Variants in EPAS1 observed in about 807,000 individuals in gnomAD.
EPAS1 encodes endothelial PAS domain protein 1.
EPAS1 carries 23 observed loss-of-function variants against 87.9 expected under a neutral mutation model. The ratio of observed to expected loss-of-function variants is 0.26; its 90% CI spans 0.19 to 0.37. The LOEUF is 0.37. Among genes scored for constraint, EPAS1 ranks in the 10% least tolerant of loss-of-function variants. The probability of loss-of-function intolerance (pLI) is 1.00; values close to 1 mark genes in which losing one functional copy is unlikely to be tolerated. For synonymous variants in EPAS1, 508 were observed against 444.3 expected (o/e 1.14, Z -1.80); for missense variants, 1,138 against 1,120.7 (o/e 1.02, Z -0.22).
Position 46,381,658 on chromosome 2 carries a change from C to T in EPAS1, c.2108C>T (p.Ser703Phe). 6.2e-7 allele frequency: 1 copy of T among 1,614,022 alleles called. No homozygotes were observed. The highest frequency in any genetic ancestry group is 8.5e-7 in the Non-Finnish European group (1 of 1,180,028). ...CTGAGTCCGGCCATGGTAGCCCTCT[C>T]CAACAAGCTGAAGCTGAAGCGACAG... ...DVLSPAMVAL[S>F]NKLKLKRQLE... Residue 703 changes from serine (S) to phenylalanine (F), a missense_variant, in exon 13 of 16, where the codon TCC (serine) becomes TTC (phenylalanine). Transcript: ENST00000263734.
At chr2:46,359,097 A>C (rs1417910802) in intron 4 of EPAS1, among the ~76,000 whole-genome samples, 1 of 151,844 alleles carries the variant, frequency 6.6e-6, no homozygotes, top group Non-Finnish European at 1.5e-5. Context: ...CATCTCTACC[A>C]AAAATACAAA....
At position 46,347,656 on chromosome 2, in the gene EPAS1, G is replaced by T. The variant is rs1684060836; in HGVS notation, c.217+593G>T. On this transcript the variant is annotated intron_variant, in intron 2 of 15. Transcript: ENST00000263734. This position sits in a 1 kb window ranked among gnomAD's most constrained non-coding sequence, Gnocchi z 4.2. Reference sequence around the variant, plus strand: ...GCCTGGCTGAGCTCACTCACACTGGGGAGTCCTTGACATCACCCCTCCCTC... The same window carrying T: ...GCCTGGCTGAGCTCACTCACACTGGTGAGTCCTTGACATCACCCCTCCCTC... The T allele has an allele frequency of 6.1e-6, 1 of 163,208 alleles. No individual in the cohort carries two copies. The highest frequency in any genetic ancestry group is 1.4e-5 in the Non-Finnish European group (1 of 73,768). 10.1% of individuals were successfully genotyped at this position (163,208 alleles called of 1,614,324 possible). A position where few individuals can be genotyped will look rare whatever the true frequency, so the allele number is the denominator to read the frequency against.
At chr2:46,316,524 G>T (rs1403141803) in intron 1 of EPAS1, among the ~76,000 whole-genome samples, 1 of 152,226 alleles carries the variant, frequency 6.6e-6, no homozygotes, top group Non-Finnish European at 1.5e-5. Context: ...GCCTCCCAAA[G>T]TGTTGGGATT....
At chr2:46,325,732 T>C (rs1363790891) in intron 1 of EPAS1, among the ~76,000 whole-genome samples, 1 of 152,214 alleles carries the variant, frequency 6.6e-6, no homozygotes, top group Non-Finnish European at 1.5e-5. Flanking sequence ...GGGTGTTTTA[T>C]ATTCATCCAT....
intron 3 of EPAS1, among the ~76,000 whole-genome samples, 166 bp downstream of exon 3, chr2:46,356,468 G>A (rs551708961): frequency 6.6e-6 from 1 of 152,272 alleles, no homozygotes; most frequent in East Asian, 1.9e-4. Flanking sequence ...CCACCCCCAA[G>A]CATTGGGTTT....
chr2:46,313,102 G>C lies in EPAS1; in HGVS notation c.26+15165G>C, dbSNP rs937001249. The stretch of plus-strand genomic sequence containing the variant: ...AGACAGCTACTAGCAGAGAAACAGA[G>C]CGAATGTTGACACCTAAAAGATACC... On this transcript the variant is annotated intron_variant, in intron 1 of 15. Coordinates refer to ENST00000263734, the MANE Select transcript of EPAS1 (RefSeq NM_001430.5). Among the ~76,000 whole-genome samples the C allele has an allele frequency of 3.3e-5, 5 of 152,208 alleles. 1 individual carries two copies. The highest frequency in any genetic ancestry group is 3.3e-4 in the Admixed American group (5 of 15,288).
At chr2:46,384,448 T>C (rs1189576238) in intron 15 of EPAS1, 61 bp from the exon 16 acceptor site, 2 of 1,610,764 alleles carry the variant, frequency 1.2e-6, no homozygotes, top group African/African-American at 1.3e-5. Flanking sequence ...CACAAAGAAG[T>C]AGACACTTTT....
intron 1 of EPAS1, among the ~76,000 whole-genome samples, chr2:46,320,669 G>C (rs1222134660): frequency 6.6e-6 from 1 of 152,190 alleles, no homozygotes; most frequent in Non-Finnish European, 1.5e-5. Context: ...GAGTGTGGCA[G>C]ATGAAAGTAA....
Position 46,378,062 on chromosome 2 carries a change from CCAGCAG to C in EPAS1, c.1429_1434del (p.Ser477_Ser478del), listed in dbSNP as rs747939755. 24 of 1,605,940 alleles carry C rather than the reference CCAGCAG, an allele frequency of 1.5e-5. No homozygotes were observed. The African/African-American group carries it at 3.1e-4, about 21-fold the overall frequency. On this transcript the variant is annotated inframe_deletion, in exon 10 of 16. Coordinates refer to ENST00000263734, the MANE Select transcript of EPAS1 (RefSeq NM_001430.5). The stretch of plus-strand genomic sequence containing the variant: ...CCGGGCAGCACCACCCCCAGTGCCA[CCAGCAG>C]CAGCAGCAGCTGCTCCACGGTGAGC...
intron 1 of EPAS1, among the ~76,000 whole-genome samples, chr2:46,301,885 G>C (rs1386140549): frequency 6.7e-6 from 1 of 150,256 alleles, no homozygotes; most frequent in Non-Finnish European, 1.5e-5. Flanking sequence ...TGTAAACTTT[G>C]AGAAGTATGA....
intron 12 of EPAS1, 25 bp from the exon 13 acceptor site, chr2:46,381,571 T>C (rs1371570753): frequency 2.8e-5 from 45 of 1,613,804 alleles, no homozygotes; most frequent in Non-Finnish European, 3.8e-5. Context: ...GACTCCCTCA[T>C]AGCCTGCTCT....
At chr2:46,349,543 C>T (rs1260226372) in intron 2 of EPAS1, among the ~76,000 whole-genome samples, 3 of 152,232 alleles carry the variant, frequency 2.0e-5, no homozygotes, top group Admixed American at 2.0e-4. Flanking sequence ...CGGCCCTAGA[C>T]CAGCTAGAGC....
chr2:46,381,786 G>C (rs950449910), intron 13 of EPAS1, 64 bp downstream of exon 13: 1 of 1,607,050 alleles, frequency 6.2e-7, no homozygotes, highest in Non-Finnish European at 8.5e-7. Flanking sequence ...GGGCTGCTGA[G>C]AGGGGTGGGG....
In EPAS1 at chr2:46,382,688, C is replaced by G. The variant is rs1420654284; in HGVS notation, c.2461+90C>G. 9.2e-6 allele frequency: 14 copies of G among 1,529,700 alleles called. No individual in the cohort carries two copies. In the African/African-American group the frequency reaches 9.6e-5, roughly 11 times the overall value. The allele number at this position is 1,529,700 out of a possible 1,614,324, so 94.8% of individuals were successfully genotyped here. On this transcript the variant is annotated intron_variant, in intron 15 of 15. Transcript: ENST00000263734. ...CTTTTTTTCCAGCGTCTGCACAGTG[C>G]CAGGCACAGGGAGGTGCTTGACTTG...
chr2:46,334,564 A>G (rs1177155440), intron 1 of EPAS1, among the ~76,000 whole-genome samples: 1 of 152,004 alleles, frequency 6.6e-6, no homozygotes, highest in Admixed American at 6.5e-5. Context: ...CCAAACTCCT[A>G]CAGCCCTGAC....
chr2:46,300,366 C>G lies in EPAS1; in HGVS notation c.26+2429C>G, dbSNP rs956752917. On this transcript the variant is annotated intron_variant, in intron 1 of 15. Coordinates refer to ENST00000263734, the MANE Select transcript of EPAS1 (RefSeq NM_001430.5). This position sits in a 1 kb window ranked among gnomAD's most constrained non-coding sequence, Gnocchi z 4.1. Reference sequence around the variant, plus strand: ...TTTCTTCCCCCAAATGCAATATGGGCAGAACATTTGGAATATTCGTTCTAA... The same window carrying G: ...TTTCTTCCCCCAAATGCAATATGGGGAGAACATTTGGAATATTCGTTCTAA... Among the ~76,000 whole-genome samples, 1 of 152,216 alleles carries G rather than the reference C, an allele frequency of 6.6e-6. No individual in the cohort carries two copies. Among genetic ancestry groups the G allele is most frequent in the African/African-American group, 2.4e-5 (1 of 41,452 alleles).
chr2:46,354,294 G>C (rs1452600488), intron 2 of EPAS1, among the ~76,000 whole-genome samples: 1 of 152,158 alleles, frequency 6.6e-6, no homozygotes, highest in Non-Finnish European at 1.5e-5. Flanking sequence ...TTTTAGTTCA[G>C]TGAATGTTAA....
At chr2:46,331,398 A>G (rs184593492) in intron 1 of EPAS1, among the ~76,000 whole-genome samples, 3 of 152,388 alleles carry the variant, frequency 2.0e-5, no homozygotes, top group Admixed American at 6.5e-5. Flanking sequence ...AAGGAGCCAT[A>G]CTTTTTACAA....
rs543746208 is a variant in EPAS1 at position 46,345,065 on chromosome 2, C to T, written c.27-1808C>T. Among the ~76,000 whole-genome samples the T allele has an allele frequency of 9.8e-5, 15 of 152,346 alleles. No homozygotes were observed. The South Asian group carries it at 2.7e-3, about 27-fold the overall frequency. On this transcript the variant is annotated intron_variant, in intron 1 of 15. Transcript: ENST00000263734. ...AAGCAGCCTCTGGGATCTCAGATGG[C>T]AGGACAGAACGAGCCAGCTAGAGCT...
Sources: allele counts gnomAD v4.1 joint callset (sites outside exome capture counted in the v4.1 genomes callset), GRCh38; gene constraint gnomAD v4.1.1; non-coding constraint Gnocchi (gnomAD v3.1); transcripts MANE v1.5; gene names NCBI Gene and HGNC (gene_info 2026-07-23, HGNC 2026-07-21).